CAMK4: variants seen among roughly 807,000 people sequenced by gnomAD.
CAMK4 encodes the protein calcium/calmodulin-dependent protein kinase type IV.
Under a neutral mutation model 44.9 loss-of-function variants are expected in CAMK4, and 22 were observed. That is an observed-to-expected ratio of 0.49 (90% CI 0.35 to 0.70). The LOEUF is 0.70. Ranked by LOEUF, CAMK4 falls within the 30% of genes least tolerant of loss-of-function variation. The probability of loss-of-function intolerance (pLI) is 0.01; values close to 1 mark genes in which losing one functional copy is unlikely to be tolerated. For missense variants in CAMK4, 498 were observed against 586.8 expected (o/e 0.85, Z 1.56); for synonymous variants, 218 against 215.4 (o/e 1.01, Z -0.11).
intron 1 of CAMK4, among the ~76,000 whole-genome samples, chr5:111,227,647 G>A (rs1035490287): frequency 6.6e-6 from 1 of 152,218 alleles, no homozygotes; most frequent in East Asian, 1.9e-4. Flanking sequence ...GATAGTGCTG[G>A]CGAAGGCAGG....
intron 1 of CAMK4, among the ~76,000 whole-genome samples, chr5:111,313,107 A>C (rs1426690035): frequency 6.6e-6 from 1 of 152,070 alleles, no homozygotes; most frequent in Non-Finnish European, 1.5e-5. Flanking sequence ...AGGGTTTCTC[A>C]AACTCAGCAC....
chr5:111,298,809 C>T (rs1038077071), intron 1 of CAMK4, among the ~76,000 whole-genome samples: 10 of 152,252 alleles, frequency 6.6e-5, no homozygotes, highest in Non-Finnish European at 1.0e-4. Flanking sequence ...ATAGTAACTA[C>T]TGCCCAAGGA....
chr5:111,232,660 A>G (rs764160040), intron 1 of CAMK4, among the ~76,000 whole-genome samples: 1 of 152,154 alleles, frequency 6.6e-6, no homozygotes, highest in Non-Finnish European at 1.5e-5. Context: ...AACGTCAGCT[A>G]TAGAAGCAGC....
chr5:111,457,214 TAA>T (rs1754447365), intron 7 of CAMK4, among the ~76,000 whole-genome samples: 1 of 152,186 alleles, frequency 6.6e-6, no homozygotes, highest in East Asian at 1.9e-4. Flanking sequence ...AGGATAAATT[TAA>T]GAGTACTTTA....
intron 5 of CAMK4, among the ~76,000 whole-genome samples, chr5:111,438,583 C>T (rs1237892057): frequency 6.6e-6 from 1 of 152,028 alleles, no homozygotes; most frequent in Non-Finnish European, 1.5e-5. Context: ...TAATTTTTTA[C>T]ATTCATGTAT....
At chr5:111,253,776 A>G (rs532618854) in intron 1 of CAMK4, among the ~76,000 whole-genome samples, 14 of 152,124 alleles carry the variant, frequency 9.2e-5, no homozygotes, top group African/African-American at 3.4e-4. Context: ...GTGAGACAAA[A>G]ATTTCCATTT....
intron 4 of CAMK4, among the ~76,000 whole-genome samples, chr5:111,383,281 A>T (rs2112839966): frequency 6.6e-6 from 1 of 152,328 alleles, no homozygotes; most frequent in East Asian, 1.9e-4. Context: ...TCTTCCTCTG[A>T]AGCAGAAAGA....
chr5:111,439,237 C>G (rs1247993269), intron 5 of CAMK4, among the ~76,000 whole-genome samples: 4 of 152,132 alleles, frequency 2.6e-5, no homozygotes, highest in Non-Finnish European at 4.4e-5. Context: ...AGTGCCATAT[C>G]TAGATCTTTC....
At chr5:111,423,425 T>G (rs1159074371) in intron 5 of CAMK4, among the ~76,000 whole-genome samples, 1 of 152,238 alleles carries the variant, frequency 6.6e-6, no homozygotes, top group Non-Finnish European at 1.5e-5. Flanking sequence ...TTCTCACAAT[T>G]TAACATTGAA....
At chr5:111,376,372 C>A (rs1314931806) in intron 3 of CAMK4, among the ~76,000 whole-genome samples, 9 of 151,988 alleles carry the variant, frequency 5.9e-5, no homozygotes, top group Admixed American at 3.9e-4. Flanking sequence ...CCACTGACAG[C>A]TTTTTAACTA....
At chr5:111,234,077 C>T (rs1748598612) in intron 1 of CAMK4, among the ~76,000 whole-genome samples, 2 of 152,030 alleles carry the variant, frequency 1.3e-5, no homozygotes, top group Non-Finnish European at 2.9e-5. Context: ...CGTTAGTGTA[C>T]ACAGTTTGGA....
At chr5:111,336,325 A>G (rs1374920447) in intron 1 of CAMK4, among the ~76,000 whole-genome samples, 3 of 151,246 alleles carry the variant, frequency 2.0e-5, no homozygotes, top group Non-Finnish European at 3.0e-5. Context: ...GCAACACTGT[A>G]CAAGATGTTC....
intron 1 of CAMK4, among the ~76,000 whole-genome samples, chr5:111,258,475 G>A (rs1037970590): frequency 2.8e-4 from 42 of 152,124 alleles, no homozygotes; most frequent in Non-Finnish European, 8.8e-5. Context: ...GGTGGGAGGT[G>A]AAAGGCCCTT....
In CAMK4 at chr5:111,486,574, C is replaced by CT; in HGVS notation, c.*2113dup. The CT allele has an allele frequency of 6.7e-6, 1 of 149,706 alleles. No homozygotes were observed. Among genetic ancestry groups the CT allele is most frequent in the Non-Finnish European group, 1.5e-5 (1 of 67,808 alleles). 9.3% of individuals were successfully genotyped at this position (149,706 alleles called of 1,614,324 possible). On this transcript the variant is annotated 3_prime_UTR_variant, in exon 11 of 11. Transcript: ENST00000282356. ...GAAGAGCAAAGAGAGGGAAGGGGGT[C>CT]TTTTTAGAAAGTGGCACTTGGCGCT...
chr5:111,257,603 CTGCAACCAGAAA>C (rs1331553449), intron 1 of CAMK4, among the ~76,000 whole-genome samples: 1 of 152,148 alleles, frequency 6.6e-6, no homozygotes, highest in Non-Finnish European at 1.5e-5. Flanking sequence ...CCTCAAAGAC[CTGCAACCAGAAA>C]TACCATTAGA....
intron 1 of CAMK4, among the ~76,000 whole-genome samples, chr5:111,312,195 G>C (rs1172510671): frequency 2.0e-5 from 3 of 152,120 alleles, no homozygotes; most frequent in African/African-American, 7.2e-5. Context: ...AAGACCTTAA[G>C]ACCAAAGTGG....
chr5:111,334,550 A>G (rs1342304510), intron 1 of CAMK4, among the ~76,000 whole-genome samples: 1 of 151,582 alleles, frequency 6.6e-6, no homozygotes. Context: ...ATCAATTTTG[A>G]GGTTATAACC....
At chr5:111,347,033 A>G (rs926373630) in intron 2 of CAMK4, among the ~76,000 whole-genome samples, 1 of 151,964 alleles carries the variant, frequency 6.6e-6, no homozygotes, top group African/African-American at 2.4e-5. Context: ...AAATCAATAT[A>G]TGGAGGTTAT....
At position 111,491,995 on chromosome 5, in the gene CAMK4, T is replaced by TA. The variant is rs1343240496; in HGVS notation, c.*7530dup. The stretch of plus-strand genomic sequence containing the variant: ...CTAATCCCCACGCTTTCCTGAGTGT[T>TA]ACGTATTTTATTTCTTTGAAAAGAG... On this transcript the variant is annotated 3_prime_UTR_variant, in exon 11 of 11. Transcript: ENST00000282356. 2 of 152,202 alleles carry TA rather than the reference T, an allele frequency of 1.3e-5. No individual in the cohort carries two copies. The highest frequency in any genetic ancestry group is 2.9e-5 in the Non-Finnish European group (2 of 68,030). 9.4% of individuals were successfully genotyped at this position (152,202 alleles called of 1,614,324 possible).
Sources: allele counts gnomAD v4.1 joint callset (sites outside exome capture counted in the v4.1 genomes callset), GRCh38; gene constraint gnomAD v4.1.1; transcripts MANE v1.5; gene names NCBI Gene and HGNC (gene_info 2026-07-23, HGNC 2026-07-21).